The following RNF175 variants were observed in gnomAD, a reference collection of about 807,000 sequenced individuals.
RNF175 encodes the protein ring finger protein 175.
In RNF175, 38 loss-of-function variants were observed where a neutral mutation model predicts 50.0. The observed-to-expected ratio is 0.76, with a 90% CI of 0.59 to 1.00. The LOEUF (loss-of-function observed/expected upper bound fraction) is 1.00. RNF175 is among the 50% of genes least tolerant of loss of function. The pLI, the probability that RNF175 is intolerant of heterozygous loss-of-function variation, is 0.00. For synonymous variants in RNF175, 155 were observed against 146.1 expected, an observed-to-expected ratio of 1.06 and a Z score of -0.44; for missense variants, 388 against 409.6, an observed-to-expected ratio of 0.95 and a Z score of 0.46.
chr4:153,739,177 C>T (rs1459686199), intron 3 of RNF175, among the ~76,000 whole-genome samples: 1 of 152,332 alleles, frequency 6.6e-6, no homozygotes, highest in East Asian at 1.9e-4. Context: ...AATCCCAGCA[C>T]TTTGGGAGAC....
rs1739591649 is a variant in RNF175, at chr4:153,740,448, T to C, written c.246+8197A>G. 2.6e-5 allele frequency among the ~76,000 whole-genome samples: 4 copies of C among 152,344 alleles called. No homozygotes were observed. In the South Asian group the frequency reaches 8.3e-4, roughly 32 times the overall value. ...TCACCTCAAATATTTATCATTTTTT[T>C]GCAGTGAGAACATTTAAAAATCCTC... On this transcript the variant is annotated intron_variant, in intron 3 of 8. Coordinates refer to ENST00000347063, the MANE Select transcript of RNF175 (RefSeq NM_173662.4).
intron 3 of RNF175, among the ~76,000 whole-genome samples, chr4:153,744,826 A>C (rs55702511): frequency 0.18 from 26,866 of 152,178 alleles, 3,089 homozygotes; most frequent in Non-Finnish European, 0.25. Context: ...CAATATAAAG[A>C]GTGTTTATTA....
At chr4:153,713,440 ATATT>A (rs1453891210) in intron 7 of RNF175, 1 of 152,224 alleles carries the variant, frequency 6.6e-6, no homozygotes, top group Non-Finnish European at 1.5e-5. Flanking sequence ...TTGGGAATAT[ATATT>A]TCCATGTTCC....
At chr4:153,722,902 A>G (rs772922009) in intron 5 of RNF175, among the ~76,000 whole-genome samples, 2 of 152,208 alleles carry the variant, frequency 1.3e-5, no homozygotes, top group Non-Finnish European at 2.9e-5. Context: ...TTTTACACTT[A>G]GAGTACATCT....
At chr4:153,741,551 G>A (rs1579083412) in intron 3 of RNF175, among the ~76,000 whole-genome samples, 1 of 152,282 alleles carries the variant, frequency 6.6e-6, no homozygotes, top group East Asian at 1.9e-4. Flanking sequence ...TCTCAGCTGT[G>A]ATTTCCTGCA....
chr4:153,758,516 C>T (rs1244693589), intron 1 of RNF175, among the ~76,000 whole-genome samples: 1 of 152,168 alleles, frequency 6.6e-6, no homozygotes, highest in Non-Finnish European at 1.5e-5. Context: ...AGCAGCAAAT[C>T]CACCAGTACT....
intron 3 of RNF175, among the ~76,000 whole-genome samples, chr4:153,738,570 G>C (rs1739474659): frequency 6.6e-6 from 1 of 152,048 alleles, no homozygotes; most frequent in Admixed American, 6.5e-5. Flanking sequence ...GCTTTCTTTT[G>C]ATTAGTGTTA....
Position 153,735,523 on chromosome 4 carries a change from C to T in RNF175, c.247-7162G>A, listed in dbSNP as rs116663092. On this transcript the variant is annotated intron_variant, in intron 3 of 8. Transcript: ENST00000347063. ...CTATTGTGGGTCCTTTGCTTTTCCA[C>T]ATGAACTGTAGAATCAGTTTGTTGA... is the stretch of plus-strand genomic sequence containing the variant. 6.9e-3 allele frequency among the ~76,000 whole-genome samples: 1,056 copies of T among 152,234 alleles called. 10 individuals are homozygous for T. The highest frequency in any genetic ancestry group is 0.024 in the African/African-American group (1,003 of 41,534).
intron 3 of RNF175, among the ~76,000 whole-genome samples, chr4:153,733,334 T>G (rs1037894906): frequency 6.6e-6 from 1 of 152,202 alleles, no homozygotes; most frequent in Non-Finnish European, 1.5e-5. Context: ...TATACAAAGC[T>G]TTTACACATA....
chr4:153,759,778 CG>C lies in RNF175; in HGVS notation c.66+18del. 1 of 1,463,848 alleles carries C rather than the reference CG, an allele frequency of 6.8e-7. No homozygotes were observed. The highest frequency in any genetic ancestry group is 9.0e-7 in the Non-Finnish European group (1 of 1,110,586). 90.7% of individuals were successfully genotyped at this position (1,463,848 alleles called of 1,614,324 possible). A position where few individuals can be genotyped will look rare whatever the true frequency, so the allele number is the denominator to read the frequency against. ...ACCCCGGCCTGGCGTCCCCCACGCC[CG>C]CGCCCCCGCGCCAGTACCTGCTCCT... On this transcript the variant is annotated intron_variant, in intron 1 of 8. Transcript: ENST00000347063.
intron 1 of RNF175, among the ~76,000 whole-genome samples, chr4:153,754,153 G>C (rs906007954): frequency 2.3e-5 from 3 of 130,024 alleles, no homozygotes; most frequent in African/African-American, 8.9e-5. Flanking sequence ...CTGGGTGACA[G>C]AGCAAGACTC....
intron 3 of RNF175, among the ~76,000 whole-genome samples, chr4:153,737,772 CTGT>C (rs76580036): frequency 0.16 from 24,000 of 151,998 alleles, 2,474 homozygotes; most frequent in East Asian, 0.37. Context: ...AATATATACT[CTGT>C]TGTTGTTGGA....
chr4:153,735,600 A>C (rs1299532306), intron 3 of RNF175, among the ~76,000 whole-genome samples: 2 of 152,234 alleles, frequency 1.3e-5, no homozygotes, highest in Admixed American at 6.5e-5. Context: ...TTTAATCTAT[A>C]GATCTATAGA....
At chr4:153,742,824 A>G (rs1308408547) in intron 3 of RNF175, among the ~76,000 whole-genome samples, 1 of 150,180 alleles carries the variant, frequency 6.7e-6, no homozygotes. Context: ...AATTATTATG[A>G]GTATTATAGT....
intron 2 of RNF175, 42 bp from the exon 3 acceptor site, chr4:153,748,828 C>T (rs1333976332): frequency 6.5e-7 from 1 of 1,539,308 alleles, no homozygotes; most frequent in Non-Finnish European, 8.8e-7. Context: ...AGCCCTCAAC[C>T]TTGCGCATTT....
At chr4:153,747,956 T>C (rs1259345976) in intron 3 of RNF175, among the ~76,000 whole-genome samples, 1 of 152,230 alleles carries the variant, frequency 6.6e-6, no homozygotes, top group East Asian at 1.9e-4. Context: ...TGCAAGGGCC[T>C]TCTTGCTGTG....
chr4:153,754,601 C>T (rs1172190831), intron 1 of RNF175, among the ~76,000 whole-genome samples: 1 of 152,196 alleles, frequency 6.6e-6, no homozygotes, highest in Non-Finnish European at 1.5e-5. Context: ...GTGATCTTAT[C>T]TGGCAATAGG....
intron 1 of RNF175, among the ~76,000 whole-genome samples, chr4:153,758,611 T>G (rs1740667429): frequency 6.6e-6 from 1 of 152,200 alleles, no homozygotes; most frequent in African/African-American, 2.4e-5. Context: ...AAGAAAGTCA[T>G]GGAGTTTCAT....
At chr4:153,747,316 A>G (rs573587635) in intron 3 of RNF175, among the ~76,000 whole-genome samples, 2 of 152,242 alleles carry the variant, frequency 1.3e-5, no homozygotes, top group South Asian at 4.1e-4. Flanking sequence ...TCTTTAAATC[A>G]TTTATCTCTT....
Sources: gnomAD v4.1 joint callset for allele counts (sites outside exome capture counted in the v4.1 genomes callset) on GRCh38, gnomAD v4.1.1 for gene constraint, MANE v1.5 for transcripts, NCBI Gene and HGNC (gene_info 2026-07-23, HGNC 2026-07-21) for gene names.